CDH8: variants seen among roughly 807,000 people sequenced by gnomAD.
CDH8 encodes the protein cadherin 8, also known as cadherin-8.
Under a neutral mutation model 68.1 loss-of-function variants are expected in CDH8, and 17 were observed. The observed-to-expected ratio is 0.25, with a 90% CI of 0.17 to 0.37. CDH8 has a LOEUF of 0.37. Among genes scored for constraint, CDH8 ranks in the 10% least tolerant of loss-of-function variants. The probability of loss-of-function intolerance (pLI) is 1.00; values close to 1 mark genes in which losing one functional copy is unlikely to be tolerated. For missense variants in CDH8, 763 were observed against 999.3 expected (o/e 0.76, Z 3.19); for synonymous variants, 372 against 365.1 (o/e 1.02, Z -0.21).
chr16:61,671,394 C>G (rs1963791190), intron 10 of CDH8, among the ~76,000 whole-genome samples: 1 of 151,258 alleles, frequency 6.6e-6, no homozygotes, highest in South Asian at 2.1e-4. Flanking sequence ...GTGGTCCAGC[C>G]AGGGTACCAG....
intron 10 of CDH8, among the ~76,000 whole-genome samples, chr16:61,686,134 T>G (rs1401722093): frequency 6.6e-6 from 1 of 152,036 alleles, no homozygotes; most frequent in Admixed American, 6.6e-5. Flanking sequence ...CATGTTGAGA[T>G]ATTTCTATGT....
chr16:61,751,404 A>AC (rs1329963343), intron 8 of CDH8, among the ~76,000 whole-genome samples: 2 of 150,140 alleles, frequency 1.3e-5, no homozygotes, highest in African/African-American at 4.9e-5. Context: ...AAAAAAAAAA[A>AC]AAAAAAACAA....
At chr16:61,850,672 C>G (rs1314740769) in intron 4 of CDH8, among the ~76,000 whole-genome samples, 1 of 152,026 alleles carries the variant, frequency 6.6e-6, no homozygotes, top group African/African-American at 2.4e-5. Flanking sequence ...CCTGAGCACA[C>G]AGCCCTTTGA....
intron 4 of CDH8, among the ~76,000 whole-genome samples, chr16:61,835,280 T>A (rs114440296): frequency 0.011 from 1,612 of 152,044 alleles, 23 homozygotes; most frequent in African/African-American, 0.036. Flanking sequence ...ACATGTGAGT[T>A]TCCTGTTTTA....
intron 1 of CDH8, among the ~76,000 whole-genome samples, chr16:62,033,419 A>G (rs1902375157): frequency 6.6e-6 from 1 of 152,340 alleles, no homozygotes; most frequent in South Asian, 2.1e-4. Flanking sequence ...TCTTTTAGCT[A>G]AATTCATGCA....
At chr16:62,032,153 C>A (rs762868428) in intron 1 of CDH8, 15 of 152,058 alleles carry the variant, frequency 9.9e-5, no homozygotes, top group African/African-American at 3.6e-4. Flanking sequence ...GAATTCCCAG[C>A]GCCACAGATA....
chr16:61,940,006 A>G (rs2143529665), intron 2 of CDH8, among the ~76,000 whole-genome samples: 1 of 152,314 alleles, frequency 6.6e-6, no homozygotes, highest in East Asian at 1.9e-4. Context: ...TTCCAAACCC[A>G]AACAAAAGAG....
At chr16:61,829,387 A>T (rs1962409591) in intron 4 of CDH8, among the ~76,000 whole-genome samples, 1 of 151,680 alleles carries the variant, frequency 6.6e-6, no homozygotes. Flanking sequence ...AATTCTCCTC[A>T]ATTGCCTCTT....
intron 2 of CDH8, among the ~76,000 whole-genome samples, chr16:61,911,399 C>T (rs1034647389): frequency 5.3e-5 from 8 of 152,102 alleles, no homozygotes; most frequent in Non-Finnish European, 8.8e-5. Context: ...CTAATAGATG[C>T]ACTGGTGAGT....
At chr16:61,841,594 A>G (rs1962684846) in intron 4 of CDH8, among the ~76,000 whole-genome samples, 1 of 152,148 alleles carries the variant, frequency 6.6e-6, no homozygotes, top group South Asian at 2.1e-4. Context: ...AGTAAGACCT[A>G]CTATTTGATA....
chr16:61,924,691 A>T (rs536960845), intron 2 of CDH8, among the ~76,000 whole-genome samples: 184 of 151,686 alleles, frequency 1.2e-3, no homozygotes, highest in Non-Finnish European at 2.2e-3. Flanking sequence ...TTTTTTTTTT[A>T]AAAGAAACAC....
intron 8 of CDH8, among the ~76,000 whole-genome samples, chr16:61,768,317 T>C (rs1960653615): frequency 3.3e-5 from 1 of 30,300 alleles, no homozygotes; most frequent in Non-Finnish European, 5.7e-5. Context: ...TCTCCCTTTC[T>C]CTCTCTCTCT....
At chr16:61,719,349 G>T (rs762537391) in intron 9 of CDH8, among the ~76,000 whole-genome samples, 13 of 150,986 alleles carry the variant, frequency 8.6e-5, no homozygotes, top group Admixed American at 1.3e-4. Flanking sequence ...TTTTTTCAGC[G>T]TTGGGTTTTT....
chr16:61,783,773 G>A (rs1360751176), intron 8 of CDH8, among the ~76,000 whole-genome samples: 1 of 151,982 alleles, frequency 6.6e-6, no homozygotes, highest in African/African-American at 2.4e-5. Flanking sequence ...AGAGAGTGGG[G>A]CCAATATTCA....
chr16:61,997,484 A>T (rs1965824144), intron 2 of CDH8, among the ~76,000 whole-genome samples: 1 of 152,200 alleles, frequency 6.6e-6, no homozygotes, highest in South Asian at 2.1e-4. Context: ...GTAGAATGCC[A>T]GTTAATAAAT....
intron 10 of CDH8, among the ~76,000 whole-genome samples, chr16:61,663,327 A>G (rs1449546883): frequency 6.6e-6 from 1 of 151,988 alleles, no homozygotes; most frequent in Non-Finnish European, 1.5e-5. Flanking sequence ...GTTTTGTGTA[A>G]TTGTGTTTTT....
At chr16:62,013,380 A>G (rs564867902) in intron 2 of CDH8, among the ~76,000 whole-genome samples, 146 of 152,194 alleles carry the variant, frequency 9.6e-4, no homozygotes, top group African/African-American at 3.4e-3. Context: ...AATGACTGAA[A>G]GTATTGAATA....
At chr16:61,952,118 T>C (rs550571493) in intron 2 of CDH8, among the ~76,000 whole-genome samples, 13 of 152,258 alleles carry the variant, frequency 8.5e-5, no homozygotes, top group Admixed American at 8.5e-4. Context: ...AACGTCTTTT[T>C]TGAGATTTGT....
chr16:61,926,152 G>GGTGTGTGT lies in CDH8; in HGVS notation c.253-24687_253-24680dup, dbSNP rs61028306. The stretch of plus-strand genomic sequence containing the variant: ...AAATGTTGATTTGGGACTCAGAAGG[G>GGTGTGTGT]GTGTGTGTGTGTGTGTGTGTGTGTG... On this transcript the variant is annotated intron_variant, in intron 2 of 11. Transcript: ENST00000577390. Among the ~76,000 whole-genome samples the GGTGTGTGT allele has an allele frequency of 7.8e-3, 1,113 of 142,186 alleles. 17 individuals carry two copies. Among genetic ancestry groups the GGTGTGTGT allele is most frequent in the African/African-American group, 0.025 (971 of 38,386 alleles). The allele number at this position is 142,186 out of a possible 152,430, so 93.3% of individuals were successfully genotyped here. A position where few individuals can be genotyped will look rare whatever the true frequency, so the allele number is the denominator to read the frequency against.
Sources: gnomAD v4.1 joint callset for allele counts (sites outside exome capture counted in the v4.1 genomes callset) on GRCh38, gnomAD v4.1.1 for gene constraint, MANE v1.5 for transcripts, NCBI Gene and HGNC (gene_info 2026-07-23, HGNC 2026-07-21) for gene names.